Variants in D2HGDH observed in about 807,000 individuals in gnomAD.
D2HGDH encodes the protein D-2-hydroxyglutarate dehydrogenase.
A neutral mutation model predicts 46.9 loss-of-function variants in D2HGDH; 31 were observed. That is an observed-to-expected ratio of 0.66 (90% confidence interval 0.50 to 0.89). The LOEUF (loss-of-function observed/expected upper bound fraction) is 0.89. D2HGDH is among the 40% of genes least tolerant of loss of function. The pLI, the probability that D2HGDH is intolerant of heterozygous loss-of-function variation, is 0.00. For missense variants in D2HGDH, 698 were observed against 720.8 expected (o/e 0.97, Z 0.36); for synonymous variants, 364 against 332.6 (o/e 1.09, Z -1.03).
rs1055801181 is a variant in D2HGDH, at chr2:241,743,502, C to CT, written c.491-119dup. ...GTGGGGGTGCCTCTTCTCCTCAGCC[C>CT]TGGCGCTGAGGCTGATGTTCCTTCT... is the stretch of plus-strand genomic sequence containing the variant. On this transcript the variant is annotated intron_variant, in intron 4 of 9. Transcript: ENST00000321264. This position sits in a 1 kb window ranked among gnomAD's most constrained non-coding sequence, Gnocchi z 4.8. 2.5e-6 allele frequency: 3 copies of CT among 1,181,962 alleles called. No homozygotes were observed. Among genetic ancestry groups the CT allele is most frequent in the Non-Finnish European group, 3.6e-6 (3 of 825,260 alleles). The allele number at this position is 1,181,962 out of a possible 1,614,324, so 73.2% of individuals were successfully genotyped here.
chr2:241,747,840 G>C (rs1414203012), intron 6 of D2HGDH, among the ~76,000 whole-genome samples: 1 of 152,132 alleles, frequency 6.6e-6, no homozygotes, highest in Non-Finnish European at 1.5e-5. Flanking sequence ...TGGGGCTACA[G>C]GCATGAGCAC....
chr2:241,736,671 GTT>G (rs60699346), intron 2 of D2HGDH, among the ~76,000 whole-genome samples: 2 of 145,056 alleles, frequency 1.4e-5, no homozygotes, highest in Non-Finnish European at 3.0e-5. Flanking sequence ...CCGTTTATCC[GTT>G]TTTTTTTTTT....
chr2:241,734,917 A>C, intron 1 of D2HGDH: 5 of 337,910 alleles, frequency 1.5e-5, no homozygotes, highest in Non-Finnish European at 1.1e-5. Flanking sequence ...GTCCTGGGCA[A>C]GGTCCCGGCG....
In D2HGDH at chr2:241,743,491, TCTC is replaced by T. The variant is rs774531031; in HGVS notation, c.491-127_491-125del. 44 of 1,020,794 alleles carry T rather than the reference TCTC, an allele frequency of 4.3e-5. No individual in the cohort carries two copies. Among genetic ancestry groups the T allele is most frequent in the Admixed American group, 1.0e-4 (5 of 47,684 alleles). 63.2% of individuals were successfully genotyped at this position (1,020,794 alleles called of 1,614,324 possible). A position where few individuals can be genotyped will look rare whatever the true frequency, so the allele number is the denominator to read the frequency against. The stretch of plus-strand genomic sequence containing the variant: ...GGGCCAGCGATGTGGGGGTGCCTCT[TCTC>T]CTCAGCCCTGGCGCTGAGGCTGATG... On this transcript the variant is annotated intron_variant, in intron 4 of 9. Coordinates refer to ENST00000321264, the MANE Select transcript of D2HGDH (RefSeq NM_152783.5). The surrounding 1 kb of genome is among the most constrained non-coding windows in gnomAD (Gnocchi z 4.8).
chr2:241,749,340 G>T, intron 6 of D2HGDH: 1 of 1,288,356 alleles, frequency 7.8e-7, no homozygotes, highest in Non-Finnish European at 1.0e-6. Context: ...CCTTCTCTCT[G>T]GAAAATTCTT....
chr2:241,741,909 A>G (rs1429688914), intron 3 of D2HGDH, among the ~76,000 whole-genome samples: 2 of 152,018 alleles, frequency 1.3e-5, no homozygotes, highest in African/African-American at 4.8e-5. Flanking sequence ...GTACATGGGC[A>G]GATTCCTTTT....
At chr2:241,760,865 G>A (rs1249037462) in intron 9 of D2HGDH, among the ~76,000 whole-genome samples, 4 of 152,270 alleles carry the variant, frequency 2.6e-5, no homozygotes, top group South Asian at 2.1e-4. Context: ...AGTCACATGA[G>A]TCAGTTCATT....
chr2:241,736,251 C>T (rs1277924157), intron 2 of D2HGDH: 1 of 152,242 alleles, frequency 6.6e-6, no homozygotes, highest in Non-Finnish European at 1.5e-5. Flanking sequence ...AAAAGTTACT[C>T]CAGCCCAGGA....
chr2:241,740,310 C>T (rs1694086454), intron 2 of D2HGDH, among the ~76,000 whole-genome samples: 1 of 152,154 alleles, frequency 6.6e-6, no homozygotes, highest in Non-Finnish European at 1.5e-5. Flanking sequence ...TTGTGAGGTG[C>T]ACACACATCA....
intron 6 of D2HGDH, among the ~76,000 whole-genome samples, chr2:241,745,152 A>G (rs1695536305): frequency 6.6e-6 from 1 of 152,110 alleles, no homozygotes; most frequent in Admixed American, 6.5e-5. Flanking sequence ...TGCCTCATTC[A>G]CCCCATCGTG....
intron 8 of D2HGDH, among the ~76,000 whole-genome samples, chr2:241,751,638 A>G (rs1261164465): frequency 6.6e-6 from 1 of 152,200 alleles, no homozygotes; most frequent in Non-Finnish European, 1.5e-5. Flanking sequence ...ATGCTGTGGG[A>G]TGAGCAAGGG....
At chr2:241,750,402 C>CCGGGGGGGGGG in intron 7 of D2HGDH, 108 bp downstream of exon 7, 4 of 167,710 alleles carry the variant, frequency 2.4e-5, no homozygotes, top group East Asian at 2.2e-4. Context: ...CCCGGGCGGG[C>CCGGGGGGGGGG]GGGTGGGGGG....
At position 241,768,240 on chromosome 2, in the gene D2HGDH, G is replaced by T. The variant is rs1699311240; in HGVS notation, c.*271G>T. 5.7e-6 allele frequency: 3 copies of T among 522,998 alleles called. No homozygotes were observed. The highest frequency in any genetic ancestry group is 1.0e-5 in the Non-Finnish European group (3 of 297,786). The allele number at this position is 522,998 out of a possible 1,614,324, so 32.4% of individuals were successfully genotyped here. A position where few individuals can be genotyped will look rare whatever the true frequency, so the allele number is the denominator to read the frequency against. ...GACAGGCCGGGGTGGCGGCAGCTTTGCCCACGTGGAAGCGGGGTGGGTCTC... is the reference window on the plus strand; with the variant it reads ...GACAGGCCGGGGTGGCGGCAGCTTTTCCCACGTGGAAGCGGGGTGGGTCTC... On this transcript the variant is annotated 3_prime_UTR_variant, in exon 10 of 10. Coordinates refer to ENST00000321264, the MANE Select transcript of D2HGDH (RefSeq NM_152783.5).
Position 241,742,545 on chromosome 2 carries a change from ACCGGGT to A in D2HGDH, c.464_469del (p.Arg155_Val156del). ...ATCATCCTCTCCACTGCCCGCATGA[ACCGGGT>A]CCTCAGCTTCCACAGCGTGTCTGGT... On this transcript the variant is annotated inframe_deletion, in exon 4 of 10. Coordinates refer to ENST00000321264, the MANE Select transcript of D2HGDH (RefSeq NM_152783.5). The surrounding 1 kb of genome is among the most constrained non-coding windows in gnomAD (Gnocchi z 4.8). 6.2e-7 allele frequency: 1 copy of A among 1,614,044 alleles called. No homozygotes were observed. Among genetic ancestry groups the A allele is most frequent in the Non-Finnish European group, 8.5e-7 (1 of 1,180,002 alleles).
In D2HGDH at chr2:241,743,746, A is replaced by G. The variant is rs1695136457; in HGVS notation, c.615A>G (p.Ala205=). The change falls in exon 5 of 10, where the codon GCA becomes GCG. Residue 205 remains alanine (A), a synonymous_variant. Transcript: ENST00000321264. This position sits in a 1 kb window ranked among gnomAD's most constrained non-coding sequence, Gnocchi z 4.8. ...GCTGCCACATCGGGGGAAACGTGGC[A>G]ACCAACGCTGGAGGCCTGCGGTTTC... ...KGSCHIGGNV[A]TNAGGLRFLR... The G allele has an allele frequency of 1.9e-6, 3 of 1,613,034 alleles. No homozygotes were observed. The highest frequency in any genetic ancestry group is 2.5e-6 in the Non-Finnish European group (3 of 1,179,674).
In D2HGDH at chr2:241,734,659, C is replaced by G. The variant is rs966480385; in HGVS notation, c.-129C>G. 1.3e-5 allele frequency: 2 copies of G among 151,414 alleles called. No individual in the cohort carries two copies. The highest frequency in any genetic ancestry group is 6.6e-5 in the Admixed American group (1 of 15,198). 9.4% of individuals were successfully genotyped at this position (151,414 alleles called of 1,614,324 possible). A position where few individuals can be genotyped will look rare whatever the true frequency, so the allele number is the denominator to read the frequency against. On this transcript the variant is annotated 5_prime_UTR_variant, in exon 1 of 10. Coordinates refer to ENST00000321264, the MANE Select transcript of D2HGDH (RefSeq NM_152783.5). ...CGGCTCGGCGGCTCTGGGCCTGCGG[C>G]GGGCGCTGCGGGTTGGAGCTCGGGA...
chr2:241,767,750 C>G lies in D2HGDH; in HGVS notation c.1347C>G (p.Phe449Leu), dbSNP rs1429077618. Residue 449 changes from phenylalanine to leucine, a missense_variant, in exon 10 of 10, where the codon TTC (phenylalanine) becomes TTG (leucine). Physicochemically the swap from Phe to Leu is conservative, Grantham distance 22. Coordinates refer to ENST00000321264, the MANE Select transcript of D2HGDH (RefSeq NM_152783.5). The part of the protein sequence containing the change: ...NLHLNVTAEA[F>L]SPSLLAALEP... The stretch of plus-strand genomic sequence containing the variant: ...ACCTCAATGTGACGGCGGAGGCCTT[C>G]AGCCCCTCGCTCCTGGCTGCCCTGG... The G allele has an allele frequency of 6.2e-7, 1 of 1,612,808 alleles. No homozygotes were observed. The highest frequency in any genetic ancestry group is 8.5e-7 in the Non-Finnish European group (1 of 1,179,604).
chr2:241,748,960 C>G (rs1326327416), intron 6 of D2HGDH: 1 of 1,278,210 alleles, frequency 7.8e-7, no homozygotes, highest in East Asian at 6.0e-5. Context: ...ACAGGAGTCA[C>G]TCGCCTCTTC....
intron 6 of D2HGDH, chr2:241,749,679 C>T (rs1323789157): frequency 6.1e-6 from 2 of 327,454 alleles, no homozygotes; most frequent in East Asian, 1.7e-4. Context: ...TACGCCCCCT[C>T]TGAGTCCCAC....
Sources: allele counts gnomAD v4.1 joint callset (sites outside exome capture counted in the v4.1 genomes callset), GRCh38; gene constraint gnomAD v4.1.1; non-coding constraint Gnocchi (gnomAD v3.1); transcripts MANE v1.5; gene names NCBI Gene and HGNC (gene_info 2026-07-23, HGNC 2026-07-21).